Variants in NR3C2 observed in about 807,000 individuals in gnomAD.
NR3C2 encodes the protein mineralocorticoid receptor.
In NR3C2, 15 loss-of-function variants were observed where a neutral mutation model predicts 86.4. The observed-to-expected ratio is 0.17, with a 90% CI of 0.12 to 0.27. The LOEUF (loss-of-function observed/expected upper bound fraction) is 0.27, where lower values mean the gene tolerates loss of function less well. Ranked by LOEUF, NR3C2 falls within the 10% of genes least tolerant of loss-of-function variation. The pLI is 1.00. For missense variants in NR3C2, 960 were observed against 1,195.6 expected, an observed-to-expected ratio of 0.80 and a Z score of 2.91; for synonymous variants, 458 against 450.5, an observed-to-expected ratio of 1.02 and a Z score of -0.21.
intron 5 of NR3C2, 22 bp from the exon 6 acceptor site, chr4:148,152,635 C>T (rs1734154840): frequency 6.2e-7 from 1 of 1,611,844 alleles, no homozygotes; most frequent in Admixed American, 1.7e-5. Flanking sequence ...AACAATTAAT[C>T]ACAGAAATAC....
intron 8 of NR3C2, among the ~76,000 whole-genome samples, chr4:148,100,510 A>G (rs1731488059): frequency 6.6e-6 from 1 of 152,240 alleles, no homozygotes; most frequent in African/African-American, 2.4e-5. Context: ...AATCAAAACT[A>G]CAATGAGTTA....
intron 2 of NR3C2, among the ~76,000 whole-genome samples, chr4:148,335,879 G>GA (rs1200991591): frequency 6.6e-6 from 1 of 151,890 alleles, no homozygotes; most frequent in Non-Finnish European, 1.5e-5. Context: ...AGAAAACAAT[G>GA]AAAAAAACAG....
At chr4:148,427,664 G>C (rs564139317) in intron 2 of NR3C2, among the ~76,000 whole-genome samples, 1 of 152,082 alleles carries the variant, frequency 6.6e-6, no homozygotes, top group African/African-American at 2.4e-5. Context: ...CTATGACCCA[G>C]AATGTGGCAT....
chr4:148,227,470 A>G (rs1033561977), intron 3 of NR3C2, among the ~76,000 whole-genome samples: 1 of 152,082 alleles, frequency 6.6e-6, no homozygotes, highest in African/African-American at 2.4e-5. Context: ...TCTGTTCTTA[A>G]TAAGTATCTT....
At chr4:148,243,730 A>G (rs531019213) in intron 3 of NR3C2, among the ~76,000 whole-genome samples, 2 of 152,224 alleles carry the variant, frequency 1.3e-5, no homozygotes, top group African/African-American at 2.4e-5. Flanking sequence ...AAAATATACA[A>G]TGACACATTC....
chr4:148,376,196 T>C (rs1579223897), intron 2 of NR3C2, among the ~76,000 whole-genome samples: 1 of 144,952 alleles, frequency 6.9e-6, no homozygotes. Context: ...CCACAACAAC[T>C]GTTTTTCTCT....
intron 3 of NR3C2, among the ~76,000 whole-genome samples, chr4:148,202,302 A>T (rs950671934): frequency 9.9e-5 from 15 of 152,200 alleles, no homozygotes; most frequent in African/African-American, 3.6e-4. Flanking sequence ...AAGCTCCAAG[A>T]TGCTACATCA....
Position 148,080,867 on chromosome 4 carries a change from T to A in NR3C2, c.*477A>T, listed in dbSNP as rs1043769250. 2.9e-5 allele frequency: 7 copies of A among 243,164 alleles called. No homozygotes were observed. The highest frequency in any genetic ancestry group is 5.9e-5 in the Non-Finnish European group (7 of 119,352). 15.1% of individuals were successfully genotyped at this position (243,164 alleles called of 1,614,324 possible). On this transcript the variant is annotated 3_prime_UTR_variant, in exon 9 of 9. Coordinates refer to ENST00000358102, the MANE Select transcript of NR3C2 (RefSeq NM_000901.5). ...TTACACAACAGGAATCTGTATATAT[T>A]TTTTTATTATTTTTTTGTGTTTTTT...
intron 3 of NR3C2, among the ~76,000 whole-genome samples, chr4:148,238,064 T>C (rs1467939487): frequency 1.3e-5 from 2 of 152,218 alleles, no homozygotes; most frequent in African/African-American, 2.4e-5. Flanking sequence ...AACTCATCAC[T>C]ACTATTACTA....
intron 4 of NR3C2, among the ~76,000 whole-genome samples, chr4:148,173,025 A>C (rs1412968694): frequency 6.6e-6 from 1 of 152,200 alleles, no homozygotes; most frequent in Non-Finnish European, 1.5e-5. Context: ...TTGATTACAG[A>C]GATTTATTAG....
At chr4:148,428,165 C>T (rs945604345) in intron 2 of NR3C2, among the ~76,000 whole-genome samples, 1 of 152,150 alleles carries the variant, frequency 6.6e-6, no homozygotes. Context: ...GAGAAGAATG[C>T]ACAAAACAGA....
At chr4:148,308,021 AT>A in intron 2 of NR3C2, among the ~76,000 whole-genome samples, 1 of 152,170 alleles carries the variant, frequency 6.6e-6, no homozygotes, top group Non-Finnish European at 1.5e-5. Flanking sequence ...CTAACTGTGG[AT>A]TTCTAAGTTT....
chr4:148,416,372 C>A (rs1748996602), intron 2 of NR3C2, among the ~76,000 whole-genome samples: 1 of 152,194 alleles, frequency 6.6e-6, no homozygotes, highest in African/African-American at 2.4e-5. Context: ...AAGCACTTTA[C>A]ATATTCTAAC....
intron 2 of NR3C2, among the ~76,000 whole-genome samples, chr4:148,399,952 T>C (rs1192879081): frequency 6.6e-6 from 1 of 152,212 alleles, no homozygotes; most frequent in Non-Finnish European, 1.5e-5. Context: ...TCCAAAAACA[T>C]CAATGAACGG....
At chr4:148,221,658 C>T (rs1167306394) in intron 3 of NR3C2, among the ~76,000 whole-genome samples, 10 of 151,926 alleles carry the variant, frequency 6.6e-5, no homozygotes, top group Admixed American at 1.3e-4. Flanking sequence ...TTTGGGAGGC[C>T]GAGGCAGGTG....
intron 2 of NR3C2, among the ~76,000 whole-genome samples, chr4:148,323,598 C>T (rs12507494): frequency 0.061 from 9,252 of 152,018 alleles, 379 homozygotes; most frequent in African/African-American, 0.12. Flanking sequence ...GTTTTTTCAG[C>T]CCGTCGGAAA....
At chr4:148,188,800 T>C (rs1270591186) in intron 4 of NR3C2, among the ~76,000 whole-genome samples, 1 of 152,174 alleles carries the variant, frequency 6.6e-6, no homozygotes, top group Non-Finnish European at 1.5e-5. Flanking sequence ...TGGGCATCCT[T>C]GTCTTGTTCC....
intron 8 of NR3C2, among the ~76,000 whole-genome samples, chr4:148,090,887 T>C (rs1043513641): frequency 1.3e-5 from 2 of 152,214 alleles, no homozygotes; most frequent in African/African-American, 2.4e-5. Flanking sequence ...GATGGGACCT[T>C]CGTGCATAAC....
chr4:148,416,886 C>T (rs374118899), intron 2 of NR3C2, among the ~76,000 whole-genome samples: 2 of 152,160 alleles, frequency 1.3e-5, no homozygotes, highest in African/African-American at 4.8e-5. Context: ...AGTGATTCTC[C>T]TGCCTCAGCC....
Sources: allele counts gnomAD v4.1 joint callset (sites outside exome capture counted in the v4.1 genomes callset), GRCh38; gene constraint gnomAD v4.1.1; transcripts MANE v1.5; gene names NCBI Gene and HGNC (gene_info 2026-07-23, HGNC 2026-07-21).